The following RCAN2 variants were observed in gnomAD, a reference collection of about 807,000 sequenced individuals.
RCAN2 encodes regulator of calcineurin 2, also known as calcipressin-2.
Under a neutral mutation model 23.6 loss-of-function variants are expected in RCAN2, and 9 were observed. That is an observed-to-expected ratio of 0.38 (90% CI 0.23 to 0.67). The LOEUF is 0.67. RCAN2 is among the 30% of genes least tolerant of loss of function. RCAN2 has a pLI of 0.51. For synonymous variants in RCAN2, 109 were observed against 115.7 expected, an observed-to-expected ratio of 0.94 and a Z score of 0.37; for missense variants, 273 against 302.3, an observed-to-expected ratio of 0.90 and a Z score of 0.72.
intron 4 of RCAN2, among the ~76,000 whole-genome samples, chr6:46,239,947 G>A (rs1766244007): frequency 6.6e-6 from 1 of 152,182 alleles, no homozygotes; most frequent in Non-Finnish European, 1.5e-5. Flanking sequence ...GAATCCCGGA[G>A]GGAAGGTATA....
At chr6:46,276,597 C>G (rs1767715725) in intron 2 of RCAN2, among the ~76,000 whole-genome samples, 1 of 152,218 alleles carries the variant, frequency 6.6e-6, no homozygotes. Flanking sequence ...AAGGGTTATA[C>G]ACAGTCTTTC....
intron 2 of RCAN2, among the ~76,000 whole-genome samples, chr6:46,381,914 C>A (rs1455629857): frequency 6.6e-6 from 1 of 152,312 alleles, no homozygotes; most frequent in African/African-American, 2.4e-5. Context: ...CTTATATTCA[C>A]CCAGGCCTGT....
intron 2 of RCAN2, among the ~76,000 whole-genome samples, chr6:46,264,809 A>G (rs1260755979): frequency 6.6e-6 from 1 of 152,230 alleles, no homozygotes; most frequent in Non-Finnish European, 1.5e-5. Context: ...GTGGGAATTT[A>G]TTAGATATGA....
intron 2 of RCAN2, among the ~76,000 whole-genome samples, chr6:46,363,872 G>A (rs976130296): frequency 7.9e-5 from 12 of 152,272 alleles, no homozygotes; most frequent in Middle Eastern, 3.4e-3. Context: ...GTTAAAGCCA[G>A]GTTAAAGGAG....
chr6:46,332,534 C>G (rs1288863380), intron 2 of RCAN2, among the ~76,000 whole-genome samples: 1 of 147,560 alleles, frequency 6.8e-6, no homozygotes, highest in Non-Finnish European at 1.5e-5. Context: ...TGTTCAATTC[C>G]CACCTATGAG....
chr6:46,259,037 T>C (rs1767020732), intron 2 of RCAN2, among the ~76,000 whole-genome samples: 1 of 152,150 alleles, frequency 6.6e-6, no homozygotes, highest in East Asian at 1.9e-4. Flanking sequence ...ATATAAAAAA[T>C]TAGCCTGGCA....
intron 2 of RCAN2, among the ~76,000 whole-genome samples, chr6:46,327,587 AC>A (rs1223820307): frequency 6.6e-6 from 1 of 152,244 alleles, no homozygotes; most frequent in Non-Finnish European, 1.5e-5. Flanking sequence ...GTAAAGTAAT[AC>A]AAAGATGAAT....
At chr6:46,419,318 C>G (rs1366230593) in intron 2 of RCAN2, among the ~76,000 whole-genome samples, 1 of 152,090 alleles carries the variant, frequency 6.6e-6, no homozygotes, top group African/African-American at 2.4e-5. Flanking sequence ...TCAAACAGGC[C>G]TTCCAAGTGA....
At chr6:46,308,956 C>T (rs1406493195) in intron 2 of RCAN2, among the ~76,000 whole-genome samples, 5 of 152,120 alleles carry the variant, frequency 3.3e-5, no homozygotes, top group African/African-American at 9.7e-5. Flanking sequence ...CTTGTCTCTA[C>T]AGTCCTTTTC....
intron 2 of RCAN2, among the ~76,000 whole-genome samples, chr6:46,249,337 T>C (rs1582029328): frequency 9.6e-6 from 1 of 104,106 alleles, no homozygotes; most frequent in African/African-American, 3.7e-5. Flanking sequence ...TTTTTTTTTT[T>C]AGACAGAGTC....
chr6:46,484,772 T>C (rs543172822), intron 1 of RCAN2, among the ~76,000 whole-genome samples: 3 of 152,344 alleles, frequency 2.0e-5, no homozygotes, highest in South Asian at 2.1e-4. Flanking sequence ...AACACTCATG[T>C]ATGCTGAATC....
intron 2 of RCAN2, among the ~76,000 whole-genome samples, chr6:46,260,849 C>T (rs1457276782): frequency 6.6e-6 from 1 of 152,198 alleles, no homozygotes; most frequent in Non-Finnish European, 1.5e-5. Context: ...GAGGGTGGAC[C>T]AGGCATACTA....
Position 46,387,113 on chromosome 6 carries a change from A to G in RCAN2, c.225+69639T>C, listed in dbSNP as rs1427286117. 8.5e-5 allele frequency among the ~76,000 whole-genome samples: 13 copies of G among 152,358 alleles called. No individual in the cohort carries two copies. In the East Asian group the frequency reaches 2.5e-3, roughly 29 times the overall value. ...TACAAAAATTAATTCAAGATGGACTAAAGACTTAAATGTTAGACCTAAAAC... is the reference window on the plus strand; with the variant it reads ...TACAAAAATTAATTCAAGATGGACTGAAGACTTAAATGTTAGACCTAAAAC... On this transcript the variant is annotated intron_variant, in intron 2 of 4. Coordinates refer to ENST00000371374, the MANE Select transcript of RCAN2 (RefSeq NM_001251974.2).
At chr6:46,449,522 C>G (rs920834495) in intron 2 of RCAN2, among the ~76,000 whole-genome samples, 1 of 150,314 alleles carries the variant, frequency 6.7e-6, no homozygotes, top group African/African-American at 2.4e-5. Context: ...TATATGGAAC[C>G]ACAAAGGACT....
chr6:46,468,920 T>A (rs953919585), intron 1 of RCAN2: 8 of 850,680 alleles, frequency 9.4e-6, no homozygotes, highest in Non-Finnish European at 1.1e-5. Context: ...ACTTTACTTG[T>A]TAGCACAATT....
chr6:46,365,761 C>T (rs999829359), intron 2 of RCAN2, among the ~76,000 whole-genome samples: 10 of 152,168 alleles, frequency 6.6e-5, no homozygotes, highest in African/African-American at 2.4e-4. Context: ...TGTAAATCAT[C>T]AGGTATCTTG....
At chr6:46,342,043 T>G (rs1342524793) in intron 2 of RCAN2, among the ~76,000 whole-genome samples, 1 of 152,094 alleles carries the variant, frequency 6.6e-6, no homozygotes, top group Non-Finnish European at 1.5e-5. Context: ...GGAGGGCACC[T>G]TTGGAAATAC....
chr6:46,480,419 C>G (rs1462014765), intron 1 of RCAN2, among the ~76,000 whole-genome samples: 1 of 152,212 alleles, frequency 6.6e-6, no homozygotes, highest in African/African-American at 2.4e-5. Flanking sequence ...AATGCACTAT[C>G]TTACCAAAAC....
chr6:46,259,685 G>A (rs1767046499), intron 2 of RCAN2, among the ~76,000 whole-genome samples: 1 of 152,124 alleles, frequency 6.6e-6, no homozygotes, highest in Non-Finnish European at 1.5e-5. Flanking sequence ...GATCCCAAAG[G>A]TTAAGGGCTC....
Sources: gnomAD v4.1 joint callset for allele counts (sites outside exome capture counted in the v4.1 genomes callset) on GRCh38, gnomAD v4.1.1 for gene constraint, MANE v1.5 for transcripts, NCBI Gene and HGNC (gene_info 2026-07-23, HGNC 2026-07-21) for gene names.